The following MAP3K20 variants were observed in gnomAD, a reference collection of about 807,000 sequenced individuals.
MAP3K20 encodes mitogen-activated protein kinase kinase kinase 20, also known as HCCS-4.
MAP3K20 carries 40 observed loss-of-function variants against 85.7 expected under a neutral mutation model. The ratio of observed to expected loss-of-function variants is 0.47; its 90% confidence interval spans 0.36 to 0.61. The LOEUF (loss-of-function observed/expected upper bound fraction) is 0.61, where lower values mean the gene tolerates loss of function less well. Among genes scored for constraint, MAP3K20 ranks in the 20% least tolerant of loss-of-function variants. The pLI, the probability that MAP3K20 is intolerant of heterozygous loss-of-function variation, is 0.00. For synonymous variants in MAP3K20, 325 were observed against 327.7 expected (o/e 0.99, Z 0.09); for missense variants, 817 against 961.7 (o/e 0.85, Z 1.99).
rs771908220 is a variant in MAP3K20 at position 173,266,197 on chromosome 2, G to A, written c.1850G>A (p.Arg617Gln). The A allele has an allele frequency of 1.2e-6, 2 of 1,613,990 alleles. No individual in the cohort carries two copies. The highest frequency in any genetic ancestry group is 1.1e-5 in the South Asian group (1 of 91,074). The change falls in exon 20 of 20, where the codon CGG becomes CAG. Residue 617 changes from arginine to glutamine, a missense_variant. Arg to Gln is a conservative substitution (Grantham distance 43). Around this residue, in one of 4 missense-constraint regions of MAP3K20, gnomAD observed 454 missense variants for 476.9 expected, o/e 0.95. Transcript: ENST00000375213. Reference protein sequence around the residue: ...GQDSYAAAVRRPQVPIKYQQI... With the variant: ...GQDSYAAAVRQPQVPIKYQQI... The stretch of plus-strand genomic sequence containing the variant: ...GATTCCTACGCTGCTGCTGTGAGAC[G>A]GCCCCAGGTGCCCATTAAGTATCAA...
intron 2 of MAP3K20, among the ~76,000 whole-genome samples, chr2:173,144,861 A>T (rs1483368675): frequency 6.6e-6 from 1 of 152,254 alleles, no homozygotes; most frequent in Admixed American, 6.5e-5. Flanking sequence ...AGCTCTGGTA[A>T]TTAAAACAGT....
chr2:173,123,896 C>T (rs1451774806), intron 2 of MAP3K20, among the ~76,000 whole-genome samples: 5 of 152,100 alleles, frequency 3.3e-5, no homozygotes, highest in Non-Finnish European at 7.3e-5. Context: ...AAAAACACCT[C>T]AACTTATTTT....
At chr2:173,226,388 A>G (rs1255725514) in intron 11 of MAP3K20, 1 of 985,254 alleles carries the variant, frequency 1.0e-6, no homozygotes, top group African/African-American at 1.7e-5. Flanking sequence ...GCAGAGTTTC[A>G]TCATACCACA....
intron 12 of MAP3K20, among the ~76,000 whole-genome samples, chr2:173,231,556 G>A (rs1684523601): frequency 6.6e-6 from 1 of 152,166 alleles, no homozygotes; most frequent in Non-Finnish European, 1.5e-5. Context: ...TGGCTTCCAG[G>A]CCACTTAAAT....
intron 2 of MAP3K20, among the ~76,000 whole-genome samples, chr2:173,149,443 G>A (rs1427663794): frequency 6.6e-6 from 1 of 151,080 alleles, no homozygotes; most frequent in African/African-American, 2.4e-5. Context: ...ATGGGTGAGG[G>A]GTATATGGGA....
At chr2:173,076,182 GGAGCGAGCGGGCGGGCGAGC>G (rs1686851962) in intron 1 of MAP3K20, among the ~76,000 whole-genome samples, 180 bp downstream of exon 1, 1 of 151,432 alleles carries the variant, frequency 6.6e-6, no homozygotes, top group Non-Finnish European at 1.5e-5. Context: ...GGCGGCGGCC[GGAGCGAGCGGGCGGGCGAGC>G]GAGCGAGCGT....
chr2:173,110,558 C>T (rs1303749028), intron 2 of MAP3K20, among the ~76,000 whole-genome samples: 1 of 151,908 alleles, frequency 6.6e-6, no homozygotes, highest in Non-Finnish European at 1.5e-5. Flanking sequence ...TTGTAGTCTT[C>T]TATCCCTTGC....
intron 14 of MAP3K20, among the ~76,000 whole-genome samples, chr2:173,235,053 A>T (rs918414379): frequency 6.6e-6 from 1 of 152,230 alleles, no homozygotes; most frequent in African/African-American, 2.4e-5. Context: ...ACAATGAAGT[A>T]TTGATTGTTG....
chr2:173,214,434 G>A (rs1559282933), intron 10 of MAP3K20: 1 of 152,152 alleles, frequency 6.6e-6, no homozygotes, highest in Non-Finnish European at 1.5e-5. Context: ...GTGTCTCTTG[G>A]CAAAACACTT....
At chr2:173,217,089 G>A (rs879659329) in intron 10 of MAP3K20, 26 bp from the exon 11 acceptor site, 32 of 1,471,850 alleles carry the variant, frequency 2.2e-5, no homozygotes, top group Non-Finnish European at 2.8e-5. Context: ...GTAAAGTTGA[G>A]ACTTACACCA....
intron 16 of MAP3K20, among the ~76,000 whole-genome samples, chr2:173,246,186 C>T (rs1174398861): frequency 6.6e-6 from 1 of 152,140 alleles, no homozygotes. Flanking sequence ...AACTCCTCAC[C>T]AGAGGCTCCA....
intron 16 of MAP3K20, among the ~76,000 whole-genome samples, chr2:173,250,726 C>T (rs1323501792): frequency 1.3e-5 from 2 of 152,118 alleles, no homozygotes; most frequent in East Asian, 1.9e-4. Flanking sequence ...GAGATTAAAA[C>T]ATTCTTAGTT....
At chr2:173,195,482 A>C (rs1690800331) in intron 7 of MAP3K20, among the ~76,000 whole-genome samples, 1 of 151,960 alleles carries the variant, frequency 6.6e-6, no homozygotes, top group Non-Finnish European at 1.5e-5. Flanking sequence ...GTCTCAATAT[A>C]AAATGAGTCG....
Position 173,134,151 on chromosome 2 carries a change from G to A in MAP3K20, c.160-35654G>A, listed in dbSNP as rs532162559. ...CATATTTTAAATACCTCTGGTGGTA[G>A]GAATCTTATATTAAGACACCCTCCT... On this transcript the variant is annotated intron_variant, in intron 2 of 19. Transcript: ENST00000375213. Among the ~76,000 whole-genome samples the A allele has an allele frequency of 1.8e-3, 264 of 149,574 alleles. 1 individual carries two copies. The highest frequency in any genetic ancestry group is 6.2e-3 in the African/African-American group (252 of 40,840).
At position 173,266,296 on chromosome 2, in the gene MAP3K20, T is replaced by G; in HGVS notation, c.1949T>G (p.Leu650Arg). 5 of 1,614,132 alleles carry G rather than the reference T, an allele frequency of 3.1e-6. No homozygotes were observed. Among genetic ancestry groups the G allele is most frequent in the Non-Finnish European group, 4.2e-6 (5 of 1,180,024 alleles). ...GGACTGACCAAAAACTTCTCTTCCC[T>G]ACATCTCAACTCTAGGGACAGTGGC... ...QYGLTKNFSS[L>R]HLNSRDSGFS... The change falls in exon 20 of 20, where the codon CTA (leucine) becomes CGA (arginine). Residue 650 changes from leucine (L) to arginine (R), a missense_variant. By Grantham distance (102) the Leu-to-Arg change is moderately radical. Around this residue, in one of 4 missense-constraint regions of MAP3K20, gnomAD observed 454 missense variants for 476.9 expected, o/e 0.95. Coordinates refer to ENST00000375213, the MANE Select transcript of MAP3K20 (RefSeq NM_016653.3).
chr2:173,223,324 A>G, intron 11 of MAP3K20: 7 of 908,666 alleles, frequency 7.7e-6, no homozygotes, highest in Non-Finnish European at 9.2e-6. Flanking sequence ...CTGTTTGCTG[A>G]TCTTCAGCGT....
intron 12 of MAP3K20, among the ~76,000 whole-genome samples, chr2:173,231,263 A>C (rs979642486): frequency 2.6e-5 from 4 of 152,166 alleles, no homozygotes; most frequent in Non-Finnish European, 5.9e-5. Context: ...ATTCTTTTGA[A>C]GTGCACCTGC....
chr2:173,176,562 T>C (rs1430631310), intron 3 of MAP3K20, among the ~76,000 whole-genome samples: 1 of 152,102 alleles, frequency 6.6e-6, no homozygotes, highest in African/African-American at 2.4e-5. Flanking sequence ...TCGATAAATA[T>C]AATAAAAATC....
At chr2:173,127,766 G>T (rs1688485540) in intron 2 of MAP3K20, among the ~76,000 whole-genome samples, 1 of 151,634 alleles carries the variant, frequency 6.6e-6, no homozygotes, top group African/African-American at 2.4e-5. Context: ...CATAAAGGCT[G>T]CCCCATAATT....
Sources: gnomAD v4.1 joint callset for allele counts (sites outside exome capture counted in the v4.1 genomes callset) on GRCh38, gnomAD v4.1.1 for gene constraint, gnomAD v4.1.1 regional missense constraint, MANE v1.5 for transcripts, NCBI Gene and HGNC (gene_info 2026-07-23, HGNC 2026-07-21) for gene names.